Variants in SKOR2 observed in about 807,000 individuals in gnomAD.
SKOR2 encodes the protein SKI family transcriptional corepressor 2.
Under a neutral mutation model 69.1 loss-of-function variants are expected in SKOR2, and 47 were observed. The observed-to-expected ratio is 0.68, with a 90% CI of 0.54 to 0.87. The LOEUF is 0.87. Ranked by LOEUF, SKOR2 falls within the 40% of genes least tolerant of loss-of-function variation. SKOR2 has a pLI of 0.00. For missense variants in SKOR2, 1,404 were observed against 1,472.2 expected, an observed-to-expected ratio of 0.95 and a Z score of 0.76; for synonymous variants, 717 against 672.6, an observed-to-expected ratio of 1.07 and a Z score of -1.02.
intron 5 of SKOR2, 76 bp downstream of exon 5, chr18:47,230,859 A>G (rs2064195073): frequency 7.0e-7 from 1 of 1,428,756 alleles, no homozygotes; most frequent in African/African-American, 1.4e-5. Context: ...ATGGTGGAGA[A>G]CAAAAATATC....
chr18:47,247,666 C>T lies in SKOR2; in HGVS notation c.1518G>A (p.Leu506=). The change falls in exon 2 of 9, where the codon CTG becomes CTA. Residue 506 remains leucine (L), a synonymous_variant. Transcript: ENST00000425639. The surrounding 1 kb of genome is among the most constrained non-coding windows in gnomAD (Gnocchi z 6.6). ...GCALGESPAL[L]RQAFLDLAEP... The stretch of plus-strand genomic sequence containing the variant: ...CAGCCAGGTCCAGGAAGGCCTGGCG[C>T]AGCAGGGCCGGGCTTTCGCCTAGCG... The T allele has an allele frequency of 1.5e-6, 2 of 1,368,382 alleles. No homozygotes were observed. Among genetic ancestry groups the T allele is most frequent in the Non-Finnish European group, 1.9e-6 (2 of 1,065,178 alleles). The allele number at this position is 1,368,382 out of a possible 1,614,324, so 84.8% of individuals were successfully genotyped here.
At chr18:47,225,319 A>G (rs1280839445) in intron 6 of SKOR2, among the ~76,000 whole-genome samples, 2 of 152,186 alleles carry the variant, frequency 1.3e-5, no homozygotes, top group African/African-American at 4.8e-5. Context: ...TGTAAGTGCC[A>G]TGAATTTGTC....
At chr18:47,224,813 T>A (rs2064173247) in intron 6 of SKOR2, among the ~76,000 whole-genome samples, 1 of 151,876 alleles carries the variant, frequency 6.6e-6, no homozygotes, top group Admixed American at 6.6e-5. Context: ...AGAGACAGGG[T>A]CCCAGTATGT....
intron 4 of SKOR2, among the ~76,000 whole-genome samples, chr18:47,232,026 G>C (rs980480016): frequency 6.6e-6 from 1 of 151,844 alleles, no homozygotes; most frequent in South Asian, 2.1e-4. Context: ...TGTAGTTCCA[G>C]CAACTTGGAG....
At chr18:47,220,132 T>A in intron 6 of SKOR2, 122 bp from the exon 7 acceptor site, 1 of 706,762 alleles carries the variant, frequency 1.4e-6, no homozygotes, top group South Asian at 1.9e-5. Context: ...ATTTTTTTCA[T>A]AGGCAAATTA....
chr18:47,249,591 G>A (rs756209904), intron 1 of SKOR2, among the ~76,000 whole-genome samples: 52 of 152,328 alleles, frequency 3.4e-4, no homozygotes, highest in Non-Finnish European at 6.5e-4. Context: ...AACTAGTACA[G>A]ATAATAAAAG....
intron 4 of SKOR2, among the ~76,000 whole-genome samples, chr18:47,235,023 C>T (rs1033073397): frequency 2.0e-5 from 3 of 151,970 alleles, no homozygotes; most frequent in East Asian, 1.9e-4. Flanking sequence ...TGGAGAGTAA[C>T]GGGTAACTAG....
chr18:47,237,785 C>T lies in SKOR2; in HGVS notation c.2753-6785G>A, dbSNP rs116687400. 2.3e-3 allele frequency among the ~76,000 whole-genome samples: 343 copies of T among 151,180 alleles called. 2 individuals are homozygous for T. Among genetic ancestry groups the T allele is most frequent in the African/African-American group, 8.0e-3 (327 of 41,130 alleles). Reference sequence around the variant, plus strand: ...TGAACATGGCTTACTGCAGCCTGTCCTTCTGGGCTCATGCGATCCTCCCAC... The same window carrying T: ...TGAACATGGCTTACTGCAGCCTGTCTTTCTGGGCTCATGCGATCCTCCCAC... On this transcript the variant is annotated intron_variant, in intron 4 of 8. Coordinates refer to ENST00000425639, the MANE Select transcript of SKOR2 (RefSeq NM_001278063.4).
In SKOR2 at chr18:47,249,200, C is replaced by A. The variant is rs75440550; in HGVS notation, c.-17G>T. 3.9e-6 allele frequency: 6 copies of A among 1,530,390 alleles called. No homozygotes were observed. The highest frequency in any genetic ancestry group is 2.6e-6 in the Non-Finnish European group (3 of 1,143,984). 94.8% of individuals were successfully genotyped at this position (1,530,390 alleles called of 1,614,324 possible). ...GGAAGCCATCTCCGCCGCAGAACCCCGGGCCGAGCCCTACAGGTCTGCCTT... is the reference window on the plus strand; with the variant it reads ...GGAAGCCATCTCCGCCGCAGAACCCAGGGCCGAGCCCTACAGGTCTGCCTT... On this transcript the variant is annotated 5_prime_UTR_variant, in exon 2 of 9. Coordinates refer to ENST00000425639, the MANE Select transcript of SKOR2 (RefSeq NM_001278063.4).
intron 7 of SKOR2, among the ~76,000 whole-genome samples, chr18:47,216,990 A>G (rs2064146004): frequency 6.6e-6 from 1 of 152,226 alleles, no homozygotes; most frequent in South Asian, 2.1e-4. Context: ...ATCTTTAGAT[A>G]GAATTTTCTA....
At chr18:47,229,670 T>C (rs2064190418) in intron 6 of SKOR2, among the ~76,000 whole-genome samples, 1 of 151,598 alleles carries the variant, frequency 6.6e-6, no homozygotes, top group Admixed American at 6.6e-5. Flanking sequence ...AAAAAAAAAA[T>C]AAGTTTGCAT....
intron 7 of SKOR2, among the ~76,000 whole-genome samples, chr18:47,218,051 G>A (rs12327081): frequency 0.058 from 8,864 of 152,102 alleles, 278 homozygotes; most frequent in African/African-American, 0.065. Context: ...AAAGACATGA[G>A]ATATTTTTTT....
chr18:47,235,453 C>G (rs2064218272), intron 4 of SKOR2, among the ~76,000 whole-genome samples: 1 of 152,212 alleles, frequency 6.6e-6, no homozygotes, highest in Admixed American at 6.5e-5. Flanking sequence ...ACATTGTGAT[C>G]TGCATGGTTT....
intron 4 of SKOR2, among the ~76,000 whole-genome samples, chr18:47,242,452 A>T (rs866693974): frequency 3.9e-5 from 6 of 152,270 alleles, no homozygotes; most frequent in Non-Finnish European, 4.4e-5. Context: ...AAAGTTCCTA[A>T]AAGTAAATTT....
chr18:47,232,981 CATG>C (rs1280632602), intron 4 of SKOR2, among the ~76,000 whole-genome samples: 1 of 152,138 alleles, frequency 6.6e-6, no homozygotes, highest in Non-Finnish European at 1.5e-5. Context: ...AAATTTTCAA[CATG>C]ATATTATCAA....
intron 4 of SKOR2, chr18:47,231,242 TC>T: frequency 2.1e-6 from 3 of 1,423,668 alleles, no homozygotes; most frequent in Non-Finnish European, 2.9e-6. Context: ...AAAAGCAGAT[TC>T]TTGAAGTTAT....
At chr18:47,217,283 T>C (rs1432536166) in intron 7 of SKOR2, among the ~76,000 whole-genome samples, 1 of 152,202 alleles carries the variant, frequency 6.6e-6, no homozygotes, top group African/African-American at 2.4e-5. Flanking sequence ...ACATTTCATG[T>C]TTATTACTCA....
intron 6 of SKOR2, among the ~76,000 whole-genome samples, chr18:47,225,935 C>A (rs1198533550): frequency 6.6e-6 from 1 of 152,146 alleles, no homozygotes; most frequent in East Asian, 1.9e-4. Context: ...ATACACAGTG[C>A]AAATCGTTCT....
chr18:47,230,730 T>C lies in SKOR2; in HGVS notation c.2819-173A>G, dbSNP rs575136802. On this transcript the variant is annotated intron_variant, in intron 5 of 8. Transcript: ENST00000425639. ...TCCATGAATATAAATCAATGTAATA[T>C]ATTATTTTAAAGTATTATATTACAG... is the stretch of plus-strand genomic sequence containing the variant. Among the ~76,000 whole-genome samples, 7 of 152,332 alleles carry C rather than the reference T, an allele frequency of 4.6e-5. 1 individual carries two copies. The highest frequency in any genetic ancestry group is 1.2e-4 in the African/African-American group (5 of 41,572).
Sources: allele counts gnomAD v4.1 joint callset (sites outside exome capture counted in the v4.1 genomes callset), GRCh38; gene constraint gnomAD v4.1.1; non-coding constraint Gnocchi (gnomAD v3.1); transcripts MANE v1.5; gene names NCBI Gene and HGNC (gene_info 2026-07-23, HGNC 2026-07-21).